The following AFF3 variants were observed in gnomAD, a reference collection of about 807,000 sequenced individuals.
AFF3 encodes AF4/FMR2 family member 3.
Under a neutral mutation model 129.7 loss-of-function variants are expected in AFF3, and 32 were observed. That is an observed-to-expected ratio of 0.25 (90% confidence interval 0.19 to 0.33). The LOEUF (loss-of-function observed/expected upper bound fraction) is 0.33. Ranked by LOEUF, AFF3 falls within the 10% of genes least tolerant of loss-of-function variation. AFF3 has a pLI of 1.00. For synonymous variants in AFF3, 644 were observed against 635.4 expected, an observed-to-expected ratio of 1.01 and a Z score of -0.20; for missense variants, 1,373 against 1,592.0, an observed-to-expected ratio of 0.86 and a Z score of 2.34.
Position 99,587,151 on chromosome 2 carries a change from T to C in AFF3, c.2591+3A>G. On this transcript the variant is annotated splice_donor_region_variant and intron_variant, in intron 16 of 24. Coordinates refer to ENST00000672756, the MANE Select transcript of AFF3 (RefSeq NM_001386135.1). ...ACTTCCACTTTGGAGGGAATGCACG[T>C]ACCTGTTGATGTTCATGTTGCAGTG... The C allele has an allele frequency of 6.2e-7, 1 of 1,614,064 alleles. No individual in the cohort carries two copies. Among genetic ancestry groups the C allele is most frequent in the Non-Finnish European group, 8.5e-7 (1 of 1,179,994 alleles).
intron 13 of AFF3, among the ~76,000 whole-genome samples, chr2:99,615,750 A>G (rs1207018509): frequency 1.1e-4 from 17 of 152,256 alleles, no homozygotes; most frequent in Non-Finnish European, 2.4e-4. Flanking sequence ...GTTGGGGGCC[A>G]TTGCCCTCCA....
intron 7 of AFF3, among the ~76,000 whole-genome samples, chr2:99,991,591 C>G (rs1319802970): frequency 6.6e-6 from 1 of 152,096 alleles, no homozygotes; most frequent in Admixed American, 6.5e-5. Context: ...CTGTTTTTAA[C>G]TAAAACCTTC....
intron 11 of AFF3, among the ~76,000 whole-genome samples, chr2:99,680,197 G>A (rs1674393662): frequency 2.0e-5 from 3 of 152,194 alleles, no homozygotes; most frequent in African/African-American, 7.2e-5. Context: ...GAATTACAGG[G>A]AAAGAGGGCT....
chr2:99,630,970 T>C, intron 13 of AFF3: 1 of 456,452 alleles, frequency 2.2e-6, no homozygotes. Flanking sequence ...TCAGTGGAGC[T>C]GAGACAGAGG....
At chr2:99,600,463 G>A (rs1001458160) in intron 14 of AFF3, among the ~76,000 whole-genome samples, 6 of 152,260 alleles carry the variant, frequency 3.9e-5, no homozygotes, top group Middle Eastern at 3.4e-3. Context: ...TATAAAAGCT[G>A]GACACGGGGA....
intron 13 of AFF3, among the ~76,000 whole-genome samples, chr2:99,645,530 C>T (rs1684619793): frequency 1.3e-5 from 2 of 152,304 alleles, no homozygotes; most frequent in African/African-American, 4.8e-5. Flanking sequence ...CACTCTCACA[C>T]ACCCCTTCTT....
chr2:100,105,652 A>C (rs1357617527), intron 2 of AFF3, 69 bp from the exon 3 acceptor site: 1 of 1,343,786 alleles, frequency 7.4e-7, no homozygotes, highest in African/African-American at 1.5e-5. Flanking sequence ...TTGTAAAGAC[A>C]GCTCTTCCCC....
chr2:99,873,733 T>G (rs1288567528), intron 7 of AFF3, among the ~76,000 whole-genome samples: 2 of 151,978 alleles, frequency 1.3e-5, no homozygotes, highest in Non-Finnish European at 2.9e-5. Flanking sequence ...TAGTGGTTTT[T>G]TTTTTTTTTT....
Position 99,547,449 on chromosome 2 carries a change from C to A in AFF3, c.*4025G>T. 4.7e-6 allele frequency: 1 copy of A among 213,170 alleles called. No individual in the cohort carries two copies. The highest frequency in any genetic ancestry group is 9.5e-6 in the Non-Finnish European group (1 of 105,770). The allele number at this position is 213,170 out of a possible 1,614,324, so 13.2% of individuals were successfully genotyped here. Reference sequence around the variant, plus strand: ...GAATCTACAAATAGGAAATCACACGCAGATTACTGGGTCTGAAGAGTGTCT... The same window carrying A: ...GAATCTACAAATAGGAAATCACACGAAGATTACTGGGTCTGAAGAGTGTCT... On this transcript the variant is annotated 3_prime_UTR_variant, in exon 25 of 25. Transcript: ENST00000672756.
chr2:100,105,663 C>T (rs569795398), intron 2 of AFF3, 80 bp from the exon 3 acceptor site: 2 of 1,346,268 alleles, frequency 1.5e-6, no homozygotes, highest in Non-Finnish European at 9.9e-7. Context: ...GCTCTTCCCC[C>T]TGGCTTACTT....
At chr2:100,133,266 A>AAAAAT in intron 1 of AFF3, among the ~76,000 whole-genome samples, 1 of 151,986 alleles carries the variant, frequency 6.6e-6, no homozygotes, top group Admixed American at 6.5e-5. Flanking sequence ...CCTGTCTCTA[A>AAAAAT]AAAATAAAAT....
intron 12 of AFF3, among the ~76,000 whole-genome samples, chr2:99,652,104 G>A (rs1480382308): frequency 6.6e-6 from 1 of 152,128 alleles, no homozygotes; most frequent in East Asian, 1.9e-4. Flanking sequence ...GTACATATCT[G>A]CTGAGTAAAT....
chr2:99,770,997 A>G (rs1402100411), intron 8 of AFF3, among the ~76,000 whole-genome samples: 1 of 152,182 alleles, frequency 6.6e-6, no homozygotes, highest in Non-Finnish European at 1.5e-5. Flanking sequence ...TAGCAAAGAC[A>G]TGAGATCAAC....
At chr2:100,031,323 C>A (rs1052932099) in intron 4 of AFF3, among the ~76,000 whole-genome samples, 5 of 152,034 alleles carry the variant, frequency 3.3e-5, no homozygotes, top group Middle Eastern at 3.2e-3. Flanking sequence ...ACATATGCAA[C>A]GGAAGGAAGT....
intron 8 of AFF3, among the ~76,000 whole-genome samples, chr2:99,802,109 T>C (rs1685984973): frequency 6.6e-6 from 1 of 152,224 alleles, no homozygotes; most frequent in South Asian, 2.1e-4. Context: ...GAATAATGCA[T>C]GTATGGGAGA....
chr2:99,572,073 T>C (rs1055578915), intron 18 of AFF3, among the ~76,000 whole-genome samples: 1 of 152,144 alleles, frequency 6.6e-6, no homozygotes, highest in Non-Finnish European at 1.5e-5. Context: ...ACAGTGATGG[T>C]ATTTTATGAT....
At chr2:99,779,889 C>G (rs894529073) in intron 8 of AFF3, among the ~76,000 whole-genome samples, 1 of 152,218 alleles carries the variant, frequency 6.6e-6, no homozygotes, top group Non-Finnish European at 1.5e-5. Flanking sequence ...GACCTGGATT[C>G]AGGTCTTCTC....
intron 7 of AFF3, among the ~76,000 whole-genome samples, chr2:99,912,181 A>AC (rs1695149536): frequency 6.6e-6 from 1 of 152,226 alleles, no homozygotes; most frequent in Non-Finnish European, 1.5e-5. Context: ...TAAAAGGAAG[A>AC]CTGTCCTATT....
Position 100,112,210 on chromosome 2 carries a change from A to T in AFF3, c.-144-6627T>A, listed in dbSNP as rs1162978787. The stretch of plus-strand genomic sequence containing the variant: ...GAATACCATACAGAGAGGGCGAGTC[A>T]GTCTCTTAAGAGGAGCACATGGCCA... On this transcript the variant is annotated intron_variant, in intron 2 of 24. Transcript: ENST00000672756. 2.0e-5 allele frequency among the ~76,000 whole-genome samples: 3 copies of T among 152,352 alleles called. No homozygotes were observed. In the East Asian group the frequency reaches 5.8e-4, roughly 29 times the overall value.
Sources: gnomAD v4.1 joint callset for allele counts (sites outside exome capture counted in the v4.1 genomes callset) on GRCh38, gnomAD v4.1.1 for gene constraint, MANE v1.5 for transcripts, NCBI Gene and HGNC (gene_info 2026-07-23, HGNC 2026-07-21) for gene names.